Variants in GRIN3A observed in about 807,000 individuals in gnomAD.
GRIN3A encodes glutamate ionotropic receptor NMDA type subunit 3A.
Under a neutral mutation model 92.4 loss-of-function variants are expected in GRIN3A, and 47 were observed. The ratio of observed to expected loss-of-function variants is 0.51; its 90% CI spans 0.40 to 0.65. The LOEUF (loss-of-function observed/expected upper bound fraction) is 0.65. Ranked by LOEUF, GRIN3A falls within the 30% of genes least tolerant of loss-of-function variation. The pLI, the probability that GRIN3A is intolerant of heterozygous loss-of-function variation, is 0.00. For missense variants in GRIN3A, 1,324 were observed against 1,393.1 expected (o/e 0.95, Z 0.79); for synonymous variants, 527 against 540.6 (o/e 0.97, Z 0.35).
intron 3 of GRIN3A, among the ~76,000 whole-genome samples, chr9:101,664,281 G>A (rs1195622503): frequency 6.6e-6 from 1 of 151,810 alleles, no homozygotes; most frequent in Non-Finnish European, 1.5e-5. Flanking sequence ...TTTATTTTCT[G>A]CATTGCCTAT....
chr9:101,579,616 C>T (rs1016891438), intron 6 of GRIN3A, among the ~76,000 whole-genome samples: 9 of 152,192 alleles, frequency 5.9e-5, no homozygotes, highest in South Asian at 4.1e-4. Flanking sequence ...GCTCTCCAAC[C>T]GACTGAACGA....
chr9:101,666,761 A>G (rs377111927), intron 3 of GRIN3A, among the ~76,000 whole-genome samples: 37 of 152,186 alleles, frequency 2.4e-4, no homozygotes, highest in African/African-American at 8.2e-4. Flanking sequence ...TCAGGCCTGC[A>G]GCTCTGAAGG....
chr9:101,644,240 A>AT (rs1008551670), intron 3 of GRIN3A, among the ~76,000 whole-genome samples: 1 of 151,836 alleles, frequency 6.6e-6, no homozygotes, highest in Non-Finnish European at 1.5e-5. Flanking sequence ...TTTTCCGATA[A>AT]TTTTCAGATA....
At chr9:101,643,266 A>T (rs1165098088) in intron 3 of GRIN3A, among the ~76,000 whole-genome samples, 1 of 152,194 alleles carries the variant, frequency 6.6e-6, no homozygotes, top group Non-Finnish European at 1.5e-5. Flanking sequence ...TTTCCAAAGA[A>T]GATATACAAA....
intron 1 of GRIN3A, among the ~76,000 whole-genome samples, chr9:101,711,427 G>A (rs1701712661): frequency 6.6e-6 from 1 of 152,118 alleles, no homozygotes; most frequent in South Asian, 2.1e-4. Flanking sequence ...GTTTATTTTC[G>A]GTTGACTATG....
chr9:101,697,383 C>G (rs1369835107), intron 1 of GRIN3A, among the ~76,000 whole-genome samples: 7 of 152,168 alleles, frequency 4.6e-5, no homozygotes, highest in Admixed American at 4.6e-4. Flanking sequence ...AGAGGCAATA[C>G]TTTCCCATGA....
intron 2 of GRIN3A, among the ~76,000 whole-genome samples, chr9:101,677,721 A>G (rs1488459928): frequency 6.6e-6 from 1 of 151,938 alleles, no homozygotes; most frequent in Non-Finnish European, 1.5e-5. Context: ...TCCTTTTATG[A>G]TAACATGAAT....
chr9:101,595,179 G>A (rs1460602338), intron 6 of GRIN3A, among the ~76,000 whole-genome samples: 2 of 151,984 alleles, frequency 1.3e-5, no homozygotes, highest in African/African-American at 4.8e-5. Context: ...GTATAGGGAG[G>A]AGAGAATGGA....
At chr9:101,586,933 C>T (rs10989557) in intron 6 of GRIN3A, among the ~76,000 whole-genome samples, 65,892 of 152,008 alleles carry the variant, frequency 0.43, 14,366 homozygotes, top group South Asian at 0.45. Context: ...TGCTGTGGTT[C>T]GAGGCTTCAT....
intron 2 of GRIN3A, among the ~76,000 whole-genome samples, chr9:101,686,244 A>G (rs1465177922): frequency 6.6e-6 from 1 of 152,204 alleles, no homozygotes; most frequent in Non-Finnish European, 1.5e-5. Context: ...ATTTCATGGT[A>G]TCTTTATTAT....
At chr9:101,639,624 G>T (rs527661686) in intron 3 of GRIN3A, among the ~76,000 whole-genome samples, 132 of 152,206 alleles carry the variant, frequency 8.7e-4, no homozygotes, top group Non-Finnish European at 1.5e-3. Flanking sequence ...CCAGTCTAGT[G>T]ATGTAAGCCT....
intron 3 of GRIN3A, among the ~76,000 whole-genome samples, chr9:101,668,984 T>C (rs1257785198): frequency 1.3e-5 from 2 of 152,158 alleles, no homozygotes; most frequent in Non-Finnish European, 1.5e-5. Flanking sequence ...ACAAGGGGCA[T>C]TTGGAAAAGC....
chr9:101,644,855 C>A (rs553958130), intron 3 of GRIN3A, among the ~76,000 whole-genome samples: 1 of 151,886 alleles, frequency 6.6e-6, no homozygotes, highest in African/African-American at 2.4e-5. Flanking sequence ...ATTTAGATGT[C>A]CCTTTTCCCT....
At chr9:101,687,781 A>G (rs1214045258) in intron 1 of GRIN3A, among the ~76,000 whole-genome samples, 1 of 152,188 alleles carries the variant, frequency 6.6e-6, no homozygotes, top group African/African-American at 2.4e-5. Context: ...TGTGTAGTGC[A>G]ATGTTAAAGG....
At chr9:101,644,818 C>G (rs911735676) in intron 3 of GRIN3A, among the ~76,000 whole-genome samples, 5 of 151,782 alleles carry the variant, frequency 3.3e-5, no homozygotes, top group Non-Finnish European at 7.4e-5. Context: ...TTTCTCTATA[C>G]CCCCATTTTC....
intron 3 of GRIN3A, among the ~76,000 whole-genome samples, chr9:101,647,602 C>T (rs1828955419): frequency 6.6e-6 from 1 of 151,910 alleles, no homozygotes; most frequent in Non-Finnish European, 1.5e-5. Flanking sequence ...TGGTTGAATT[C>T]CGCAGTGAAA....
chr9:101,615,425 C>T lies in GRIN3A; in HGVS notation c.2615-1898G>A, dbSNP rs367796732. ...TTTTTTTGAGACAGAGTCTCGATCT[C>T]GGCTCACTGCAAGCTCCGCCTCCTG... On this transcript the variant is annotated intron_variant, in intron 5 of 8. Transcript: ENST00000361820. Among the ~76,000 whole-genome samples, 164 of 137,888 alleles carry T rather than the reference C, an allele frequency of 1.2e-3. 1 individual carries two copies. Among genetic ancestry groups the T allele is most frequent in the African/African-American group, 4.1e-3 (154 of 37,958 alleles). 90.5% of individuals were successfully genotyped at this position (137,888 alleles called of 152,430 possible).
chr9:101,647,345 A>G (rs921887239), intron 3 of GRIN3A, among the ~76,000 whole-genome samples: 1 of 151,774 alleles, frequency 6.6e-6, no homozygotes, highest in Non-Finnish European at 1.5e-5. Context: ...GATTAATCCT[A>G]CTTGGTCGTG....
At chr9:101,623,021 C>CACACACAA (rs1250793431) in intron 5 of GRIN3A, among the ~76,000 whole-genome samples, 3 of 151,578 alleles carry the variant, frequency 2.0e-5, no homozygotes, top group Admixed American at 6.6e-5. Context: ...CACACACACA[C>CACACACAA]AATACAGATT....
Sources: gnomAD v4.1 joint callset for allele counts (sites outside exome capture counted in the v4.1 genomes callset) on GRCh38, gnomAD v4.1.1 for gene constraint, MANE v1.5 for transcripts, NCBI Gene and HGNC (gene_info 2026-07-23, HGNC 2026-07-21) for gene names.